SDK1: variants seen among roughly 807,000 people sequenced by gnomAD.
SDK1 encodes sidekick cell adhesion molecule 1.
In SDK1, 157 loss-of-function variants were observed where a neutral mutation model predicts 245.5. The ratio of observed to expected loss-of-function variants is 0.64; its 90% CI spans 0.56 to 0.73. SDK1 has a LOEUF of 0.73. Among genes scored for constraint, SDK1 ranks in the 30% least tolerant of loss-of-function variants. The pLI is 0.00. For synonymous variants in SDK1, 1,647 were observed against 1,278.5 expected, an observed-to-expected ratio of 1.29 and a Z score of -6.15; for missense variants, 3,583 against 3,002.3, an observed-to-expected ratio of 1.19 and a Z score of -4.52.
chr7:3,903,674 A>T (rs184632486), intron 5 of SDK1, among the ~76,000 whole-genome samples: 3 of 152,272 alleles, frequency 2.0e-5, no homozygotes, highest in Admixed American at 2.0e-4. Flanking sequence ...TGGTACACAC[A>T]TGTTTTTTAG....
At chr7:4,189,625 G>A (rs1471926627) in intron 35 of SDK1, among the ~76,000 whole-genome samples, 5 of 152,164 alleles carry the variant, frequency 3.3e-5, no homozygotes, top group African/African-American at 9.7e-5. Context: ...CAAGGCGGGT[G>A]GATTACTTGA....
At chr7:3,944,567 T>A (rs919606977) in intron 5 of SDK1, among the ~76,000 whole-genome samples, 6 of 152,182 alleles carry the variant, frequency 3.9e-5, no homozygotes, top group African/African-American at 1.4e-4. Flanking sequence ...ATAATAGAAA[T>A]AAAGAGGTTG....
At chr7:3,732,230 G>A (rs1707024366) in intron 4 of SDK1, among the ~76,000 whole-genome samples, 1 of 152,082 alleles carries the variant, frequency 6.6e-6, no homozygotes, top group African/African-American at 2.4e-5. Flanking sequence ...TTTTTGTTTT[G>A]TCAGTAGAGC....
At chr7:3,667,768 T>C (rs1783578895) in intron 4 of SDK1, among the ~76,000 whole-genome samples, 2 of 152,250 alleles carry the variant, frequency 1.3e-5, no homozygotes, top group Admixed American at 1.3e-4. Flanking sequence ...TTGTTGCACA[T>C]ATCAGTACTT....
At chr7:3,467,029 C>CACACACACACAGAG (rs1288513856) in intron 1 of SDK1, among the ~76,000 whole-genome samples, 32 of 137,646 alleles carry the variant, frequency 2.3e-4, no homozygotes, top group African/African-American at 8.2e-4. Context: ...CACACACACA[C>CACACACACACAGAG]AGAGATGTAA....
intron 7 of SDK1, among the ~76,000 whole-genome samples, chr7:3,957,429 A>T (rs1781360360): frequency 1.3e-5 from 2 of 152,222 alleles, no homozygotes; most frequent in African/African-American, 4.8e-5. Flanking sequence ...GAGCTCTTTC[A>T]GTGTTACAGT....
chr7:3,474,899 C>T (rs978069863), intron 1 of SDK1, among the ~76,000 whole-genome samples: 14 of 152,058 alleles, frequency 9.2e-5, no homozygotes, highest in African/African-American at 3.1e-4. Context: ...CTTATGTTGT[C>T]CAAGCTGGTA....
intron 1 of SDK1, among the ~76,000 whole-genome samples, chr7:3,439,498 T>C (rs1387657639): frequency 1.3e-5 from 2 of 152,176 alleles, no homozygotes; most frequent in Non-Finnish European, 2.9e-5. Context: ...AATCAGTTAA[T>C]GTGCCAAGAA....
At chr7:4,132,283 A>T in intron 27 of SDK1, 42 bp from the exon 28 acceptor site, 1 of 1,502,004 alleles carries the variant, frequency 6.7e-7, no homozygotes, top group Non-Finnish European at 9.2e-7. Context: ...CACCCAAGGA[A>T]CACTGTCTTG....
intron 1 of SDK1, among the ~76,000 whole-genome samples, chr7:3,449,487 G>C (rs895914526): frequency 6.6e-6 from 1 of 152,148 alleles, no homozygotes; most frequent in Non-Finnish European, 1.5e-5. Flanking sequence ...AATTGTATCA[G>C]TTACAGATTT....
intron 8 of SDK1, among the ~76,000 whole-genome samples, chr7:3,961,531 C>T (rs985579587): frequency 6.6e-6 from 1 of 152,186 alleles, no homozygotes; most frequent in Non-Finnish European, 1.5e-5. Flanking sequence ...AGGTACAGAA[C>T]CATCTGAGAT....
chr7:3,971,551 C>T lies in SDK1; in HGVS notation c.1800C>T (p.Asp600=). The T allele has an allele frequency of 1.2e-6, 2 of 1,611,722 alleles. No individual in the cohort carries two copies. The highest frequency in any genetic ancestry group is 1.7e-6 in the Non-Finnish European group (2 of 1,178,466). Residue 600 remains aspartate (D), a synonymous_variant, in exon 12 of 45, where the codon GAC becomes GAT. Transcript: ENST00000404826. ...TATLHCGATH[D]PRVSLRYVWK... is the part of the protein sequence containing the mutation. ...CGCTGCACTGTGGTGCCACACATGACCCCCGGGTTTCACTCCGGTCAGCAC... is the reference window on the plus strand; with the variant it reads ...CGCTGCACTGTGGTGCCACACATGATCCCCGGGTTTCACTCCGGTCAGCAC...
intron 1 of SDK1, among the ~76,000 whole-genome samples, chr7:3,557,807 C>G (rs1434274472): frequency 6.6e-6 from 1 of 152,090 alleles, no homozygotes; most frequent in Non-Finnish European, 1.5e-5. Context: ...GAGTTGAACC[C>G]TGACTGTATG....
At chr7:3,783,074 A>T (rs995500838) in intron 4 of SDK1, among the ~76,000 whole-genome samples, 2 of 152,214 alleles carry the variant, frequency 1.3e-5, no homozygotes, top group Non-Finnish European at 2.9e-5. Flanking sequence ...CCATACACAA[A>T]TCAATAAATG....
chr7:3,433,940 T>C (rs916465406), intron 1 of SDK1, among the ~76,000 whole-genome samples: 2 of 152,186 alleles, frequency 1.3e-5, no homozygotes, highest in Non-Finnish European at 1.5e-5. Context: ...AGTTTAACTT[T>C]TGTTAGGATA....
chr7:3,392,116 T>A (rs996187822), intron 1 of SDK1, among the ~76,000 whole-genome samples: 4 of 152,062 alleles, frequency 2.6e-5, no homozygotes, highest in Non-Finnish European at 5.9e-5. Context: ...ATGTCCACAT[T>A]AATCCATAAA....
intron 4 of SDK1, among the ~76,000 whole-genome samples, chr7:3,644,263 A>G (rs12535021): frequency 0.23 from 34,606 of 150,052 alleles, 4,820 homozygotes; most frequent in Non-Finnish European, 0.31. Context: ...ATATATATAT[A>G]TATGCATGCA....
chr7:3,972,152 T>A (rs971712669), intron 12 of SDK1, among the ~76,000 whole-genome samples: 1 of 149,612 alleles, frequency 6.7e-6, no homozygotes, highest in South Asian at 2.1e-4. Flanking sequence ...TTATCTCAGC[T>A]CACTGCAAGC....
intron 17 of SDK1, among the ~76,000 whole-genome samples, chr7:4,025,080 C>G (rs904387525): frequency 6.6e-6 from 1 of 152,134 alleles, no homozygotes; most frequent in Non-Finnish European, 1.5e-5. Context: ...AATAGTGACT[C>G]TCCCAGTGTA....
Sources: gnomAD v4.1 joint callset for allele counts (sites outside exome capture counted in the v4.1 genomes callset) on GRCh38, gnomAD v4.1.1 for gene constraint, MANE v1.5 for transcripts, NCBI Gene and HGNC (gene_info 2026-07-23, HGNC 2026-07-21) for gene names.